The following ARHGAP35 variants were observed in gnomAD, a reference collection of about 807,000 sequenced individuals.
The protein encoded by ARHGAP35 is Rho GTPase activating protein 35.
A neutral mutation model predicts 111.1 loss-of-function variants in ARHGAP35; 15 were observed. The observed-to-expected ratio is 0.13, with a 90% CI of 0.09 to 0.21. The LOEUF is 0.21. Among genes scored for constraint, ARHGAP35 ranks in the 10% least tolerant of loss-of-function variants. The probability of loss-of-function intolerance (pLI) is 1.00; values close to 1 mark genes in which losing one functional copy is unlikely to be tolerated. For missense variants in ARHGAP35, 1,262 were observed against 1,873.0 expected (o/e 0.67, Z 6.02); for synonymous variants, 643 against 710.3 (o/e 0.91, Z 1.51).
intron 2 of ARHGAP35, among the ~76,000 whole-genome samples, chr19:46,929,961 C>T (rs1167932589): frequency 6.6e-6 from 1 of 151,568 alleles, no homozygotes; most frequent in East Asian, 1.9e-4. Flanking sequence ...TGGGGTCTCA[C>T]TATGTTTCTA....
intron 3 of ARHGAP35, among the ~76,000 whole-genome samples, chr19:46,955,166 A>G (rs2056432435): frequency 6.6e-6 from 1 of 152,236 alleles, no homozygotes. Flanking sequence ...CAGCCTGAGC[A>G]GAACTCAATG....
rs764279682 is a variant in ARHGAP35, at chr19:46,989,656, C to G, written c.4017C>G (p.Ile1339Met). Residue 1339 changes from isoleucine (I) to methionine (M), a missense_variant, in exon 5 of 7, where the codon ATC becomes ATG. Physicochemically the swap from Ile to Met is conservative, Grantham distance 10 (BLOSUM62 1). Transcript: ENST00000672722. The surrounding 1 kb of genome is among the most constrained non-coding windows in gnomAD (Gnocchi z 5.3). ...CCCTGGTCCCGTATAACATGCAGAT[C>G]GACTTGGTGGAAGCACACAGTGAGT... ...PDPLVPYNMQIDLVEAHKIND... is the reference protein window; with the variant it reads ...PDPLVPYNMQMDLVEAHKIND... 5.0e-6 allele frequency: 8 copies of G among 1,613,888 alleles called. No homozygotes were observed. Among genetic ancestry groups the G allele is most frequent in the South Asian group, 1.1e-5 (1 of 91,056 alleles).
In ARHGAP35 at chr19:46,901,754, G is replaced by A. The variant is rs142888975; in HGVS notation, c.-188-16734G>A. On this transcript the variant is annotated intron_variant, in intron 1 of 6. Transcript: ENST00000672722. The surrounding 1 kb of genome is among the most constrained non-coding windows in gnomAD (Gnocchi z 4.5). ...GGTAGGCATTGATTGTTATCATTCT[G>A]ATTATACTTGCATGCACTTAGGTTA... 1.5e-3 allele frequency among the ~76,000 whole-genome samples: 233 copies of A among 152,294 alleles called. No homozygotes were observed. Among genetic ancestry groups the A allele is most frequent in the African/African-American group, 5.4e-3 (226 of 41,548 alleles).
At position 46,922,058 on chromosome 19, in the gene ARHGAP35, A is replaced by C. The variant is rs773296663; in HGVS notation, c.3383A>C (p.Asn1128Thr). ...CGGAATATCAACAAAGCCCAGTCCA[A>C]CGGCAGCGGGAATGGTTCTGACAGT... The part of the protein sequence containing the change: ...TIRNINKAQS[N>T]GSGNGSDSEM... Residue 1128 changes from asparagine to threonine, a missense_variant, in exon 2 of 7, where the codon AAC becomes ACC. Asn to Thr is a moderately conservative substitution (Grantham distance 65). This residue lies in a region of ARHGAP35 where 579 missense variants were observed against 716.9 expected (regional missense o/e 0.81). Transcript: ENST00000672722. The surrounding 1 kb of genome is among the most constrained non-coding windows in gnomAD (Gnocchi z 4.0). 2.5e-6 allele frequency: 4 copies of C among 1,613,920 alleles called. No individual in the cohort carries two copies. The highest frequency in any genetic ancestry group is 3.4e-6 in the Non-Finnish European group (4 of 1,179,902).
intron 3 of ARHGAP35, among the ~76,000 whole-genome samples, chr19:46,938,833 T>C (rs2056326926): frequency 6.6e-6 from 1 of 152,000 alleles, no homozygotes; most frequent in Non-Finnish European, 1.5e-5. Context: ...AATTTTTGTA[T>C]TTTTAATAGA....
intron 2 of ARHGAP35, among the ~76,000 whole-genome samples, chr19:46,932,004 G>A (rs770103638): frequency 1.5e-4 from 23 of 152,154 alleles, no homozygotes; most frequent in Non-Finnish European, 2.6e-4. Context: ...AGAGGTGGCC[G>A]GGCACGGTGG....
Position 46,918,566 on chromosome 19 carries a change from T to G in ARHGAP35, c.-110T>G. ...TATACAACACTATGGGACCTGGCATTTTTGCTGCATGTCCAGCCCACCCCC... is the reference window on the plus strand; with the variant it reads ...TATACAACACTATGGGACCTGGCATGTTTGCTGCATGTCCAGCCCACCCCC... On this transcript the variant is annotated 5_prime_UTR_variant, in exon 2 of 7. It adds an upstream start codon to the 5' untranslated region. Transcript: ENST00000672722. This position sits in a 1 kb window ranked among gnomAD's most constrained non-coding sequence, Gnocchi z 5.4. 1.8e-6 allele frequency: 2 copies of G among 1,098,874 alleles called. No individual in the cohort carries two copies. The highest frequency in any genetic ancestry group is 1.3e-6 in the Non-Finnish European group (1 of 749,976). 68.1% of individuals were successfully genotyped at this position (1,098,874 alleles called of 1,614,324 possible).
chr19:46,985,738 C>T (rs576086308), intron 3 of ARHGAP35, among the ~76,000 whole-genome samples: 3 of 152,228 alleles, frequency 2.0e-5, no homozygotes, highest in African/African-American at 7.2e-5. Context: ...GTGGCAGCTC[C>T]TTTGTAACTA....
chr19:46,899,698 CAAAAA>C (rs34813801), intron 1 of ARHGAP35, among the ~76,000 whole-genome samples: 1 of 124,814 alleles, frequency 8.0e-6, no homozygotes, highest in African/African-American at 3.0e-5. Flanking sequence ...AGACCCTGTA[CAAAAA>C]AAAACAAAAA....
At chr19:46,866,649 GC>G (rs1394167163) in intron 1 of ARHGAP35, among the ~76,000 whole-genome samples, 3 of 152,146 alleles carry the variant, frequency 2.0e-5, no homozygotes, top group Non-Finnish European at 4.4e-5. Context: ...TCTCTCACCT[GC>G]CAATCCCCAA....
chr19:46,930,663 C>A (rs1220989005), intron 2 of ARHGAP35, among the ~76,000 whole-genome samples: 1 of 149,982 alleles, frequency 6.7e-6, no homozygotes, highest in African/African-American at 2.5e-5. Flanking sequence ...TTATGGAGAC[C>A]AAAAGAGAAT....
chr19:46,981,041 T>C (rs1366373847), intron 3 of ARHGAP35, among the ~76,000 whole-genome samples: 2 of 152,204 alleles, frequency 1.3e-5, no homozygotes, highest in Non-Finnish European at 2.9e-5. Context: ...TGCCGCAGTG[T>C]GGTCCTCAGA....
At chr19:46,958,829 T>G (rs969875462) in intron 3 of ARHGAP35, among the ~76,000 whole-genome samples, 1 of 152,218 alleles carries the variant, frequency 6.6e-6, no homozygotes, top group Non-Finnish European at 1.5e-5. Context: ...AGGCATTCTC[T>G]TTCATCACTT....
intron 1 of ARHGAP35, among the ~76,000 whole-genome samples, chr19:46,900,416 T>A (rs965536642): frequency 1.3e-5 from 2 of 152,176 alleles, no homozygotes; most frequent in Non-Finnish European, 2.9e-5. Context: ...AGACGGAGTT[T>A]TGCCCTGTTG....
intron 3 of ARHGAP35, among the ~76,000 whole-genome samples, chr19:46,985,287 C>T (rs573319606): frequency 8.5e-5 from 13 of 152,280 alleles, no homozygotes; most frequent in African/African-American, 1.9e-4. Flanking sequence ...ACAGGGGGTA[C>T]GGGTGTGCCA....
At chr19:46,952,874 C>T (rs539045728) in intron 3 of ARHGAP35, among the ~76,000 whole-genome samples, 3 of 152,188 alleles carry the variant, frequency 2.0e-5, no homozygotes, top group East Asian at 3.9e-4. Context: ...GATGGGGATT[C>T]GCCGTGTTGC....
intron 1 of ARHGAP35, among the ~76,000 whole-genome samples, chr19:46,893,814 A>G (rs868298864): frequency 7.3e-5 from 11 of 151,668 alleles, no homozygotes; most frequent in African/African-American, 2.2e-4. Context: ...TTGGGGGGGA[A>G]GTCCATTTAT....
intron 1 of ARHGAP35, among the ~76,000 whole-genome samples, chr19:46,876,983 C>G (rs1311110011): frequency 6.0e-5 from 9 of 150,334 alleles, no homozygotes; most frequent in African/African-American, 9.8e-5. Flanking sequence ...GGCGCAGTGG[C>G]TCATGCCTGT....
intron 3 of ARHGAP35, among the ~76,000 whole-genome samples, chr19:46,951,552 T>G (rs2056413015): frequency 1.3e-5 from 2 of 152,148 alleles, no homozygotes; most frequent in South Asian, 4.1e-4. Flanking sequence ...ATATTTAACT[T>G]CTCCATTGTT....
Sources: allele counts gnomAD v4.1 joint callset (sites outside exome capture counted in the v4.1 genomes callset), GRCh38; gene constraint gnomAD v4.1.1; regional missense constraint gnomAD v4.1.1; non-coding constraint Gnocchi (gnomAD v3.1); transcripts MANE v1.5; gene names NCBI Gene and HGNC (gene_info 2026-07-23, HGNC 2026-07-21).